CNIH3: variants seen among roughly 807,000 people sequenced by gnomAD.
CNIH3 encodes the protein protein cornichon homolog 3.
Under a neutral mutation model 24.1 loss-of-function variants are expected in CNIH3, and 14 were observed. The ratio of observed to expected loss-of-function variants is 0.58; its 90% CI spans 0.38 to 0.91. The LOEUF (loss-of-function observed/expected upper bound fraction) is 0.91. CNIH3 is among the 40% of genes least tolerant of loss of function. CNIH3 has a pLI of 0.00. For synonymous variants in CNIH3, 68 were observed against 73.8 expected, an observed-to-expected ratio of 0.92 and a Z score of 0.40; for missense variants, 178 against 196.8, an observed-to-expected ratio of 0.90 and a Z score of 0.57.
chr1:224,656,744 C>A (rs1210023236), intron 1 of CNIH3, among the ~76,000 whole-genome samples: 1 of 152,188 alleles, frequency 6.6e-6, no homozygotes, highest in Non-Finnish European at 1.5e-5. Flanking sequence ...CAGACTGGAT[C>A]CTCCAGTTTC....
At chr1:224,476,542 C>T (rs1279515879) in intron 1 of CNIH3, among the ~76,000 whole-genome samples, 2 of 152,272 alleles carry the variant, frequency 1.3e-5, no homozygotes, top group East Asian at 3.9e-4. Flanking sequence ...TGGCAGCGAG[C>T]TGCACTTTTT....
intron 3 of CNIH3, among the ~76,000 whole-genome samples, chr1:224,695,360 AC>A (rs2125165246): frequency 1.0e-4 from 1 of 10,046 alleles, no homozygotes; most frequent in South Asian, 7.6e-3. Context: ...CTTTCTAAAC[AC>A]ACACACACAC....
chr1:224,454,339 G>C, intron 1 of CNIH3: 1 of 979,886 alleles, frequency 1.0e-6, no homozygotes, highest in East Asian at 1.1e-4. Flanking sequence ...AAGCTAGGAG[G>C]CTTGGTAAGG....
intron 3 of CNIH3, among the ~76,000 whole-genome samples, chr1:224,692,302 T>C (rs1349644716): frequency 6.6e-6 from 1 of 152,152 alleles, no homozygotes; most frequent in Non-Finnish European, 1.5e-5. Flanking sequence ...AGACCCAGTC[T>C]CTAAAAACAA....
chr1:224,538,645 TTC>T (rs375750092), downstream of CNIH3, among the ~76,000 whole-genome samples: 2,387 of 148,972 alleles, frequency 0.016, 70 homozygotes, highest in African/African-American at 0.055. Flanking sequence ...CTCCTCCTCC[TTC>T]TCTCTCTCTC....
At chr1:224,443,893 A>G (rs1413881255) in intron 1 of CNIH3, among the ~76,000 whole-genome samples, 3 of 152,252 alleles carry the variant, frequency 2.0e-5, no homozygotes, top group African/African-American at 4.8e-5. Flanking sequence ...TTGCTACTAC[A>G]TAATCTTATT....
Position 224,684,819 on chromosome 1 carries a change from G to A in CNIH3, c.174G>A (p.Glu58=). Residue 58 remains glutamate, a synonymous_variant, in exon 3 of 6, where the codon GAG becomes GAA. Transcript: ENST00000272133. This position sits in a 1 kb window ranked among gnomAD's most constrained non-coding sequence, Gnocchi z 4.2. ...AGAGGGAACGGTTGAGGAACATCGA[G>A]CGCATCTGCTTCCTTCTGCGAAAGG... The part of the protein sequence containing the change: ...VHARERLRNI[E]RICFLLRKLV... 1 of 1,614,120 alleles carries A rather than the reference G, an allele frequency of 6.2e-7. No individual in the cohort carries two copies. Among genetic ancestry groups the A allele is most frequent in the Non-Finnish European group, 8.5e-7 (1 of 1,179,960 alleles).
chr1:224,510,617 A>C (rs1345073151), intron 1 of CNIH3, among the ~76,000 whole-genome samples: 8 of 150,452 alleles, frequency 5.3e-5, no homozygotes, highest in African/African-American at 1.2e-4. Context: ...AACAAAAAAA[A>C]AACAAAAAAA....
chr1:224,648,413 G>GAA (rs565178820), intron 1 of CNIH3, among the ~76,000 whole-genome samples: 35 of 110,724 alleles, frequency 3.2e-4, no homozygotes, highest in African/African-American at 6.9e-4. Context: ...TCTGTCTCAG[G>GAA]AAAAAAAAAA....
At chr1:224,558,157 G>A (rs1224062549) in intron 3 of CNIH3, among the ~76,000 whole-genome samples, 2 of 152,138 alleles carry the variant, frequency 1.3e-5, no homozygotes, top group African/African-American at 4.8e-5. Flanking sequence ...CTGGATTGGG[G>A]TCAACGATAT....
At chr1:224,515,322 A>AAC (rs2124902578), upstream of CNIH3, among the ~76,000 whole-genome samples, 1 of 152,360 alleles carries the variant, frequency 6.6e-6, no homozygotes, top group East Asian at 1.9e-4. Flanking sequence ...CTCATTGTAA[A>AAC]GTATACACAA....
At chr1:224,517,197 A>G (rs1329341273) in intron 1 of CNIH3, among the ~76,000 whole-genome samples, 1 of 151,536 alleles carries the variant, frequency 6.6e-6, no homozygotes, top group Admixed American at 6.6e-5. Context: ...TGGTGGGATG[A>G]CCTCCATACT....
At chr1:224,434,777 T>C (rs1674565786) in exon 1 of CNIH3, 5 of 986,202 alleles carry the variant, frequency 5.1e-6, no homozygotes, top group Non-Finnish European at 3.6e-6. Flanking sequence ...GTGTTGATTC[T>C]TCCCCCAGCT....
At chr1:224,630,862 T>A (rs1683784717) in intron 1 of CNIH3, among the ~76,000 whole-genome samples, 1 of 152,100 alleles carries the variant, frequency 6.6e-6, no homozygotes, top group Admixed American at 6.5e-5. Flanking sequence ...CTGGCCAGAA[T>A]GGAGCTGTAA....
At chr1:224,737,863 A>G (rs1171041092) in intron 5 of CNIH3, among the ~76,000 whole-genome samples, 1 of 152,112 alleles carries the variant, frequency 6.6e-6, no homozygotes, top group African/African-American at 2.4e-5. Context: ...GGACCAGGTG[A>G]TATTTGAGGG....
chr1:224,656,587 A>G (rs545750700), intron 1 of CNIH3, among the ~76,000 whole-genome samples: 9 of 152,246 alleles, frequency 5.9e-5, no homozygotes, highest in African/African-American at 2.2e-4. Flanking sequence ...TCTTTACTCC[A>G]GTGGGATCCC....
At chr1:224,654,203 G>A (rs775616463) in intron 1 of CNIH3, among the ~76,000 whole-genome samples, 6 of 152,120 alleles carry the variant, frequency 3.9e-5, no homozygotes, top group Non-Finnish European at 5.9e-5. Flanking sequence ...CCAACATGGC[G>A]AAACCCCTGT....
chr1:224,557,104 C>T (rs1380600530), intron 3 of CNIH3, among the ~76,000 whole-genome samples: 4 of 152,124 alleles, frequency 2.6e-5, no homozygotes, highest in South Asian at 2.1e-4. Context: ...TGTACTGGTG[C>T]GATCACAGCT....
intron 3 of CNIH3, among the ~76,000 whole-genome samples, chr1:224,602,777 A>G (rs993129576): frequency 1.3e-5 from 2 of 152,240 alleles, no homozygotes; most frequent in African/African-American, 4.8e-5. Flanking sequence ...AAGAAAAAGG[A>G]AAAGGGCTTT....
Sources: allele counts gnomAD v4.1 joint callset (sites outside exome capture counted in the v4.1 genomes callset), GRCh38; gene constraint gnomAD v4.1.1; non-coding constraint Gnocchi (gnomAD v3.1); transcripts MANE v1.5; gene names NCBI Gene and HGNC (gene_info 2026-07-23, HGNC 2026-07-21).